Variants in DMD observed in about 807,000 individuals in gnomAD.
DMD encodes the protein dystrophin.
Under a neutral mutation model 330.1 loss-of-function variants are expected in DMD, and 63 were observed. The observed-to-expected ratio is 0.19, with a 90% CI of 0.16 to 0.24. The LOEUF is 0.24. DMD is among the 10% of genes least tolerant of loss of function. The pLI, the probability that DMD is intolerant of heterozygous loss-of-function variation, is 1.00. For synonymous variants in DMD, 1,223 were observed against 959.8 expected, an observed-to-expected ratio of 1.27 and a Z score of -5.07; for missense variants, 3,344 against 2,684.1, an observed-to-expected ratio of 1.25 and a Z score of -5.43.
At chrX:31,625,873 T>C (rs1452670541) in intron 55 of DMD, among the ~76,000 whole-genome samples, 2 of 112,227 alleles carry the variant, frequency 1.8e-5, no homozygotes, top group African/African-American at 6.5e-5. Flanking sequence ...CATTGGGTTA[T>C]TCTTTATTTT....
intron 41 of DMD, among the ~76,000 whole-genome samples, chrX:32,325,461 G>T (rs1331610336): frequency 9.0e-6 from 1 of 111,564 alleles, no homozygotes; most frequent in African/African-American, 3.3e-5. Context: ...GTTCATAATA[G>T]ACTTCACTTC....
chrX:32,717,359 C>A (rs909612599), intron 7 of DMD, among the ~76,000 whole-genome samples: 4 of 111,142 alleles, frequency 3.6e-5, no homozygotes, highest in African/African-American at 1.3e-4. Flanking sequence ...TAAAAAGGCC[C>A]CAGATGTGTC....
At chrX:32,656,227 T>A (rs981237896) in intron 9 of DMD, among the ~76,000 whole-genome samples, 5 of 111,899 alleles carry the variant, frequency 4.5e-5, no homozygotes, top group Admixed American at 1.9e-4. Flanking sequence ...ATATGCTCTC[T>A]TCTTCGTCCT....
intron 54 of DMD, 40 bp downstream of exon 54, chrX:31,657,950 T>C (rs756540300): frequency 3.0e-5 from 36 of 1,185,309 alleles, no homozygotes; most frequent in Non-Finnish European, 1.0e-5. Flanking sequence ...CACCCCATTA[T>C]TACAGCCAAC....
At chrX:31,721,119 G>A (rs964105764) in intron 52 of DMD, among the ~76,000 whole-genome samples, 8 of 110,806 alleles carry the variant, frequency 7.2e-5, no homozygotes, top group Admixed American at 1.9e-4. Context: ...ATTATTTAAC[G>A]TATATTTCCA....
At position 32,297,267 on chromosome X, in the gene DMD, ATTTATTAT is replaced by A. The variant is rs1414728612; in HGVS notation, c.6118-9574_6118-9567del. On this transcript the variant is annotated intron_variant, in intron 42 of 78. Coordinates refer to ENST00000357033, the MANE Select transcript of DMD (RefSeq NM_004006.3). ...TATTTATTTATTTATTTATTTATTT[ATTTATTAT>A]TTATTTATTTATTTTGGAGACAGAG... 1.9e-4 allele frequency among the ~76,000 whole-genome samples: 19 copies of A among 102,220 alleles called. No homozygotes were observed. The South Asian group carries it at 4.6e-3, about 25-fold the overall frequency. 88.8% of individuals were successfully genotyped at this position (102,220 alleles called of 115,157 possible).
At chrX:31,568,944 C>T (rs2075611077) in intron 55 of DMD, among the ~76,000 whole-genome samples, 1 of 111,101 alleles carries the variant, frequency 9.0e-6, no homozygotes, top group Admixed American at 9.6e-5. Context: ...TTTTAGTGGT[C>T]TTTCCAGGCA....
intron 15 of DMD, 56 bp from the exon 16 acceptor site, chrX:32,565,937 A>G (rs1329924825): frequency 4.8e-6 from 5 of 1,045,192 alleles, no homozygotes; most frequent in Non-Finnish European, 6.6e-6. Context: ...ATACACCACT[A>G]TAGTTCAATC....
chrX:32,887,788 AGC>A, intron 2 of DMD, among the ~76,000 whole-genome samples: 1 of 104,695 alleles, frequency 9.6e-6, no homozygotes, highest in African/African-American at 3.5e-5. Flanking sequence ...ATCAACTAAA[AGC>A]TTATGACATT....
At chrX:32,628,087 T>A (rs1429014323) in intron 11 of DMD, among the ~76,000 whole-genome samples, 3 of 107,820 alleles carry the variant, frequency 2.8e-5, no homozygotes, top group African/African-American at 1.0e-4. Context: ...GTACAACAAA[T>A]TATGTTTGAC....
At chrX:31,130,392 C>T (rs2034325603) in intron 77 of DMD, among the ~76,000 whole-genome samples, 1 of 111,507 alleles carries the variant, frequency 9.0e-6, no homozygotes, top group Admixed American at 9.5e-5. Flanking sequence ...CATATACTTA[C>T]AAAGGAAGAG....
chrX:33,263,056 C>T (rs1295483764), intron 1 of DMD, among the ~76,000 whole-genome samples: 1 of 110,244 alleles, frequency 9.1e-6, no homozygotes, highest in African/African-American at 3.3e-5. Flanking sequence ...ATGGGGGATG[C>T]ATACACTACT....
intron 44 of DMD, among the ~76,000 whole-genome samples, chrX:32,021,092 A>C (rs1349776342): frequency 8.9e-6 from 1 of 112,525 alleles, no homozygotes; most frequent in Non-Finnish European, 1.9e-5. Flanking sequence ...TTAAACATGC[A>C]CTATAAAACA....
At chrX:32,422,463 C>A (rs1287093383) in intron 29 of DMD, among the ~76,000 whole-genome samples, 1 of 111,201 alleles carries the variant, frequency 9.0e-6, no homozygotes, top group Non-Finnish European at 1.9e-5. Context: ...TCTTAAATAA[C>A]AACAACGAAA....
intron 47 of DMD, among the ~76,000 whole-genome samples, chrX:31,890,907 A>T (rs2094239885): frequency 9.0e-6 from 1 of 111,657 alleles, no homozygotes. Flanking sequence ...TATAAAAAAA[A>T]TTTTCTATCA....
At chrX:31,515,002 A>G (rs762258155) in intron 55 of DMD, among the ~76,000 whole-genome samples, 22 of 111,451 alleles carry the variant, frequency 2.0e-4, no homozygotes, top group Non-Finnish European at 3.4e-4. Context: ...GCCACCGAGA[A>G]TAAAAGTTTA....
At chrX:32,708,442 A>G (rs778527997) in intron 7 of DMD, among the ~76,000 whole-genome samples, 1 of 111,627 alleles carries the variant, frequency 9.0e-6, no homozygotes, top group Admixed American at 9.6e-5. Flanking sequence ...CCCAGTTTTT[A>G]TCTATAAAAT....
intron 48 of DMD, among the ~76,000 whole-genome samples, chrX:31,874,755 A>C (rs5972453): frequency 9.1e-6 from 1 of 109,704 alleles, no homozygotes; most frequent in Non-Finnish European, 1.9e-5. Context: ...TCAGTTTTAC[A>C]AGAACCCTTT....
intron 51 of DMD, among the ~76,000 whole-genome samples, chrX:31,748,063 T>C (rs1337685414): frequency 9.0e-6 from 1 of 111,717 alleles, no homozygotes; most frequent in Non-Finnish European, 1.9e-5. Context: ...ATCAACACTA[T>C]TGGGTGGTTC....
Sources: allele counts gnomAD v4.1 joint callset (sites outside exome capture counted in the v4.1 genomes callset), GRCh38; gene constraint gnomAD v4.1.1; transcripts MANE v1.5; gene names NCBI Gene and HGNC (gene_info 2026-07-23, HGNC 2026-07-21).